ATP9B: variants seen among roughly 807,000 people sequenced by gnomAD.
The protein encoded by ATP9B is ATPase phospholipid transporting 9B, also known as probable phospholipid-transporting ATPase IIB.
Under a neutral mutation model 146.1 loss-of-function variants are expected in ATP9B, and 110 were observed. The observed-to-expected ratio is 0.75, with a 90% CI of 0.65 to 0.88. ATP9B has a LOEUF of 0.88. Among genes scored for constraint, ATP9B ranks in the 40% least tolerant of loss-of-function variants. ATP9B has a pLI of 0.00. For synonymous variants in ATP9B, 604 were observed against 569.7 expected (o/e 1.06, Z -0.86); for missense variants, 1,499 against 1,496.4 (o/e 1.00, Z -0.03).
In ATP9B at chr18:79,147,174, C is replaced by T. The variant is rs144584532; in HGVS notation, c.726+3314C>T. On this transcript the variant is annotated intron_variant, in intron 6 of 29. Transcript: ENST00000426216. ...AAGATACAATGATCATAAATTGTTA[C>T]TCACCAAACAACAGTTCCATAAAAT... Among the ~76,000 whole-genome samples, 222 of 152,314 alleles carry T rather than the reference C, an allele frequency of 1.5e-3. 3 individuals are homozygous for T. The highest frequency in any genetic ancestry group is 5.0e-3 in the African/African-American group (208 of 41,556).
chr18:79,142,783 A>G (rs996602879), intron 5 of ATP9B, among the ~76,000 whole-genome samples: 1 of 152,210 alleles, frequency 6.6e-6, no homozygotes, highest in Non-Finnish European at 1.5e-5. Flanking sequence ...AAGTTTTGAT[A>G]TATCCAAATC....
chr18:79,301,831 A>G (rs1407141195), intron 13 of ATP9B, among the ~76,000 whole-genome samples: 1 of 152,238 alleles, frequency 6.6e-6, no homozygotes, highest in Non-Finnish European at 1.5e-5. Flanking sequence ...TTAAAACTTT[A>G]TTATATTCAC....
chr18:79,306,875 A>T, intron 14 of ATP9B, 111 bp from the exon 15 acceptor site: 1 of 1,240,528 alleles, frequency 8.1e-7, no homozygotes, highest in Admixed American at 2.4e-5. Flanking sequence ...AAATCAGGCT[A>T]CTTATTTCTA....
At chr18:79,348,105 G>T in intron 24 of ATP9B, 27 bp from the exon 25 acceptor site, 3 of 1,613,526 alleles carry the variant, frequency 1.9e-6, no homozygotes, top group Non-Finnish European at 2.5e-6. Flanking sequence ...ACTGACAGTT[G>T]TCTTCGTCTG....
At chr18:79,252,674 A>C (rs2096038683) in intron 11 of ATP9B, among the ~76,000 whole-genome samples, 1 of 152,160 alleles carries the variant, frequency 6.6e-6, no homozygotes, top group African/African-American at 2.4e-5. Context: ...TTGCCCTCAC[A>C]GTTTGCTCAG....
chr18:79,277,059 G>A lies in ATP9B; in HGVS notation c.1274G>A (p.Arg425His), dbSNP rs149013492. The A allele has an allele frequency of 3.2e-5, 52 of 1,614,048 alleles. No homozygotes were observed. The highest frequency in any genetic ancestry group is 2.7e-4 in the Admixed American group (16 of 59,998). ...LFSYIIPISL[R>H]VNLDMGKAVY... ...CAATGGGTTTTATTTGGCAGTTTGCGTGTGAACTTGGACATGGGCAAAGCG... is the reference window on the plus strand; with the variant it reads ...CAATGGGTTTTATTTGGCAGTTTGCATGTGAACTTGGACATGGGCAAAGCG... Residue 425 changes from arginine (R) to histidine (H), a missense_variant, in exon 13 of 30, where the codon CGT (arginine) becomes CAT (histidine). Physicochemically the swap from Arg to His is conservative, Grantham distance 29. Transcript: ENST00000426216.
chr18:79,074,375 T>C (rs1050976205), intron 1 of ATP9B, among the ~76,000 whole-genome samples: 2 of 152,198 alleles, frequency 1.3e-5, no homozygotes, highest in African/African-American at 4.8e-5. Context: ...AGCACCACCA[T>C]GGTAAAAGGG....
At chr18:79,213,863 A>G in intron 10 of ATP9B, 99 bp from the exon 11 acceptor site, 1 of 835,658 alleles carries the variant, frequency 1.2e-6, no homozygotes, top group Non-Finnish European at 1.8e-6. Flanking sequence ...AAAATCAAAT[A>G]GTGTGATAAT....
chr18:79,345,796 G>C lies in ATP9B; in HGVS notation c.2639G>C (p.Ser880Thr), dbSNP rs766277390. ...CAIGDGGNDV[S>T]MIQAADCGIG... is the part of the protein sequence containing the mutation. ...GCAGGTGATGGAGGAAATGATGTCA[G>C]CATGATTCAGGCAGCAGACTGTGGG... Residue 880 changes from serine (S) to threonine (T), a missense_variant, in exon 23 of 30, where the codon AGC becomes ACC. Coordinates refer to ENST00000426216, the MANE Select transcript of ATP9B (RefSeq NM_198531.5). The C allele has an allele frequency of 1.9e-6, 3 of 1,614,138 alleles. No individual in the cohort carries two copies. In the East Asian group the frequency reaches 6.7e-5, roughly 36 times the overall value.
At chr18:79,279,703 G>GT (rs2096355912) in intron 13 of ATP9B, among the ~76,000 whole-genome samples, 2 of 152,212 alleles carry the variant, frequency 1.3e-5, no homozygotes, top group Admixed American at 1.3e-4. Context: ...CTAAATGGAT[G>GT]TAAGTTTTTA....
intron 6 of ATP9B, among the ~76,000 whole-genome samples, chr18:79,150,379 A>G (rs1392005583): frequency 5.3e-5 from 8 of 152,194 alleles, no homozygotes. Flanking sequence ...TCACAGAGAA[A>G]TGTTAAATTA....
intron 19 of ATP9B, among the ~76,000 whole-genome samples, chr18:79,339,020 G>T (rs1174525512): frequency 6.6e-6 from 1 of 152,246 alleles, no homozygotes; most frequent in Admixed American, 6.5e-5. Context: ...GGTCTGCATG[G>T]TGAAGAGACT....
chr18:79,098,755 T>C (rs1443236261), intron 2 of ATP9B, among the ~76,000 whole-genome samples: 2 of 152,232 alleles, frequency 1.3e-5, no homozygotes, highest in Non-Finnish European at 2.9e-5. Flanking sequence ...GTAATGTCCT[T>C]TGTAGCCTTA....
rs751668790 is a variant in ATP9B, at chr18:79,104,254, T to TA, written c.294-6100dup. Among the ~76,000 whole-genome samples the TA allele has an allele frequency of 1.3e-4, 20 of 152,184 alleles. No individual in the cohort carries two copies. The East Asian group carries it at 1.9e-3, about 15-fold the overall frequency. ...GGTTGAGGATCTGTGTCCAGGCCGT[T>TA]AGGTGATTTTTTGTGTGTGTGGAAA... On this transcript the variant is annotated intron_variant, in intron 2 of 29. Transcript: ENST00000426216.
chr18:79,344,251 C>G lies in ATP9B; in HGVS notation c.2383-14C>G. 2 of 1,611,794 alleles carry G rather than the reference C, an allele frequency of 1.2e-6. No homozygotes were observed. Among genetic ancestry groups the G allele is most frequent in the Non-Finnish European group, 1.7e-6 (2 of 1,178,022 alleles). ...AACATTTTAATTTGGGATTCTTTTT[C>G]TCCCTTAATGGAGGTAACCAGTCGG... On this transcript the variant is annotated splice_polypyrimidine_tract_variant and intron_variant, in intron 20 of 29. Coordinates refer to ENST00000426216, the MANE Select transcript of ATP9B (RefSeq NM_198531.5).
chr18:79,374,933 G>A (rs1374670298), intron 28 of ATP9B, among the ~76,000 whole-genome samples: 1 of 152,242 alleles, frequency 6.6e-6, no homozygotes, highest in African/African-American at 2.4e-5. Context: ...GCGTGGGCAG[G>A]ACTCACCACG....
At chr18:79,190,037 C>A (rs189225272) in intron 8 of ATP9B, among the ~76,000 whole-genome samples, 53 of 152,250 alleles carry the variant, frequency 3.5e-4, no homozygotes, top group Middle Eastern at 3.4e-3. Context: ...TGCACGCACT[C>A]CCCGCAGCAG....
chr18:79,334,985 A>C (rs2096814859), intron 17 of ATP9B, among the ~76,000 whole-genome samples: 1 of 150,178 alleles, frequency 6.7e-6, no homozygotes, highest in Non-Finnish European at 1.5e-5. Context: ...ACGTGCCCTC[A>C]CGCGTCTGTT....
chr18:79,116,749 A>G (rs1416577838), intron 4 of ATP9B, among the ~76,000 whole-genome samples: 1 of 75,170 alleles, frequency 1.3e-5, no homozygotes, highest in Non-Finnish European at 2.6e-5. Flanking sequence ...AGGAAGGGGA[A>G]TATCACACTC....
Sources: allele counts gnomAD v4.1 joint callset (sites outside exome capture counted in the v4.1 genomes callset), GRCh38; gene constraint gnomAD v4.1.1; transcripts MANE v1.5; gene names NCBI Gene and HGNC (gene_info 2026-07-23, HGNC 2026-07-21).